Variants in PLCG2 observed in about 807,000 individuals in gnomAD.
PLCG2 encodes the protein 1-phosphatidylinositol 4,5-bisphosphate phosphodiesterase gamma-2.
A neutral mutation model predicts 175.6 loss-of-function variants in PLCG2; 69 were observed. That is an observed-to-expected ratio of 0.39 (90% confidence interval 0.32 to 0.48). The LOEUF is 0.48. Ranked by LOEUF, PLCG2 falls within the 20% of genes least tolerant of loss-of-function variation. The pLI is 0.91. For missense variants in PLCG2, 1,798 were observed against 1,650.9 expected (o/e 1.09, Z -1.54); for synonymous variants, 827 against 624.0 (o/e 1.33, Z -4.85).
intron 8 of PLCG2, 115 bp downstream of exon 8, chr16:81,881,068 C>T (rs999546845): frequency 2.9e-6 from 3 of 1,027,116 alleles, no homozygotes; most frequent in Admixed American, 4.0e-5. Context: ...TCCAAAGGGG[C>T]AGGGGGCCCC....
chr16:81,822,169 G>A (rs562746444), intron 2 of PLCG2, among the ~76,000 whole-genome samples: 1 of 152,214 alleles, frequency 6.6e-6, no homozygotes, highest in African/African-American at 2.4e-5. Flanking sequence ...TGTCAATTGT[G>A]GTGGGGTGTG....
At chr16:81,824,260 A>C (rs1026159653) in intron 2 of PLCG2, among the ~76,000 whole-genome samples, 3 of 151,740 alleles carry the variant, frequency 2.0e-5, no homozygotes, top group African/African-American at 7.3e-5. Context: ...CAGCCTCCCA[A>C]GTAACTAGGA....
intron 26 of PLCG2, chr16:81,935,449 A>G (rs1421509794): frequency 4.9e-5 from 41 of 829,508 alleles, no homozygotes; most frequent in Non-Finnish European, 5.7e-5. Flanking sequence ...ACCTTCTACC[A>G]CATTCTCCAG....
At chr16:81,795,592 T>G (rs940924926) in intron 2 of PLCG2, among the ~76,000 whole-genome samples, 1 of 152,190 alleles carries the variant, frequency 6.6e-6, no homozygotes, top group Non-Finnish European at 1.5e-5. Flanking sequence ...GCAGGATCCT[T>G]TGTGTGACCA....
intron 2 of PLCG2, among the ~76,000 whole-genome samples, chr16:81,822,162 C>T (rs773508035): frequency 3.0e-4 from 45 of 151,992 alleles, no homozygotes; most frequent in Non-Finnish European, 5.0e-4. Flanking sequence ...TTAGCTTTGT[C>T]AATTGTGGTG....
rs1010725678 is a variant in PLCG2 at position 81,789,325 on chromosome 16, C to G, written c.193+3143C>G. On this transcript the variant is annotated intron_variant, in intron 2 of 32. Coordinates refer to ENST00000564138, the MANE Select transcript of PLCG2 (RefSeq NM_002661.5). ...TCTGTTTTAGAGACAGGGTCTTGCT[C>G]TGTTGCCCAGGCTAGAGAGCAATGG... Among the ~76,000 whole-genome samples the G allele has an allele frequency of 4.6e-5, 7 of 152,224 alleles. No individual in the cohort carries two copies. In the South Asian group the frequency reaches 6.2e-4, roughly 13 times the overall value.
At chr16:81,880,292 G>A (rs72820812) in intron 7 of PLCG2, among the ~76,000 whole-genome samples, 4,654 of 152,290 alleles carry the variant, frequency 0.031, 91 homozygotes, top group Non-Finnish European at 0.048. Flanking sequence ...CCCAGTGGAG[G>A]TGCCTATCTC....
chr16:81,782,400 T>C (rs1352130222), intron 1 of PLCG2, among the ~76,000 whole-genome samples: 1 of 152,196 alleles, frequency 6.6e-6, no homozygotes, highest in Non-Finnish European at 1.5e-5. Flanking sequence ...TTTTCTTTTT[T>C]TGAAAAAACC....
At chr16:81,901,012 C>G (rs1909127255) in intron 14 of PLCG2, among the ~76,000 whole-genome samples, 1 of 152,242 alleles carries the variant, frequency 6.6e-6, no homozygotes, top group Non-Finnish European at 1.5e-5. Flanking sequence ...ACTCATCTGG[C>G]TAGCTTGCTG....
chr16:81,872,299 G>T (rs1182166974), intron 7 of PLCG2, among the ~76,000 whole-genome samples: 4 of 152,218 alleles, frequency 2.6e-5, no homozygotes, highest in South Asian at 4.1e-4. Context: ...CTGCACTCCA[G>T]CCTGGGCAAC....
chr16:81,868,950 G>A (rs1009400626), intron 5 of PLCG2, among the ~76,000 whole-genome samples: 2 of 152,234 alleles, frequency 1.3e-5, no homozygotes, highest in African/African-American at 4.8e-5. Flanking sequence ...CTGAAGGGTG[G>A]AGACCAGCCC....
At chr16:81,941,034 T>TGTCA (rs559617757) in intron 30 of PLCG2, among the ~76,000 whole-genome samples, 94 of 152,384 alleles carry the variant, frequency 6.2e-4, no homozygotes, top group African/African-American at 2.2e-3. Flanking sequence ...GAAAGATGAC[T>TGTCA]GTCATTTTAG....
At chr16:81,941,199 G>A (rs1225253018) in intron 30 of PLCG2, among the ~76,000 whole-genome samples, 3 of 152,138 alleles carry the variant, frequency 2.0e-5, no homozygotes, top group African/African-American at 7.2e-5. Flanking sequence ...CTACTGGGCA[G>A]GAGCCCAGTT....
At chr16:81,776,868 T>C (rs1910420674), upstream of PLCG2, among the ~76,000 whole-genome samples, 1 of 152,236 alleles carries the variant, frequency 6.6e-6, no homozygotes, top group Non-Finnish European at 1.5e-5. Flanking sequence ...TATTTTTATT[T>C]TGAACAACCA....
intron 2 of PLCG2, among the ~76,000 whole-genome samples, chr16:81,841,590 T>C (rs992991630): frequency 1.3e-5 from 2 of 151,976 alleles, no homozygotes; most frequent in South Asian, 4.2e-4. Context: ...CTCTATAGGG[T>C]GTATGTTCTT....
intron 2 of PLCG2, among the ~76,000 whole-genome samples, chr16:81,828,302 G>T (rs1258925812): frequency 7.1e-6 from 1 of 140,466 alleles, no homozygotes; most frequent in Non-Finnish European, 1.5e-5. Flanking sequence ...CTGGAATGCA[G>T]TGGTGTGATC....
At chr16:81,952,085 C>A (rs1173510213) in intron 31 of PLCG2, among the ~76,000 whole-genome samples, 1 of 151,786 alleles carries the variant, frequency 6.6e-6, no homozygotes, top group Non-Finnish European at 1.5e-5. Context: ...CTGACAAAAA[C>A]CATAACACAT....
At chr16:81,762,477 G>A (rs561446889) in intron 2 of PLCG2, among the ~76,000 whole-genome samples, 1 of 152,114 alleles carries the variant, frequency 6.6e-6, no homozygotes, top group South Asian at 2.1e-4. Flanking sequence ...GCTGAGGCAT[G>A]AGAATCGCTT....
intron 19 of PLCG2, among the ~76,000 whole-genome samples, chr16:81,916,310 G>GT (rs1909839830): frequency 6.7e-6 from 1 of 149,328 alleles, no homozygotes; most frequent in African/African-American, 2.5e-5. Flanking sequence ...AAAAAACAAC[G>GT]TTTTTTAAAA....
Sources: gnomAD v4.1 joint callset for allele counts (sites outside exome capture counted in the v4.1 genomes callset) on GRCh38, gnomAD v4.1.1 for gene constraint, MANE v1.5 for transcripts, NCBI Gene and HGNC (gene_info 2026-07-23, HGNC 2026-07-21) for gene names.